Variants in ETFDH observed in about 807,000 individuals in gnomAD.
ETFDH encodes the protein electron transfer flavoprotein-ubiquinone oxidoreductase, mitochondrial.
In ETFDH, 61 loss-of-function variants were observed where a neutral mutation model predicts 73.2. That is an observed-to-expected ratio of 0.83 (90% CI 0.68 to 1.03). ETFDH has a LOEUF of 1.03. Ranked by LOEUF, ETFDH falls within the 50% of genes least tolerant of loss-of-function variation. The pLI, the probability that ETFDH is intolerant of heterozygous loss-of-function variation, is 0.00. For missense variants in ETFDH, 685 were observed against 745.0 expected (o/e 0.92, Z 0.94); for synonymous variants, 243 against 253.3 (o/e 0.96, Z 0.39).
intron 7 of ETFDH, among the ~76,000 whole-genome samples, chr4:158,696,940 A>G (rs1774322625): frequency 6.6e-6 from 1 of 152,198 alleles, no homozygotes; most frequent in South Asian, 2.1e-4. Context: ...CTAATTTCCT[A>G]TAATTGTATA....
At chr4:158,676,455 CT>C (rs1357105691) in intron 1 of ETFDH, among the ~76,000 whole-genome samples, 12 of 152,198 alleles carry the variant, frequency 7.9e-5, no homozygotes, top group African/African-American at 2.9e-4. Flanking sequence ...CTGCATGACT[CT>C]TAAACCATAA....
chr4:158,699,114 A>AT lies in ETFDH; in HGVS notation c.1101dup (p.Glu368Ter). The AT allele has an allele frequency of 6.2e-7, 1 of 1,614,036 alleles. No homozygotes were observed. The highest frequency in any genetic ancestry group is 8.5e-7 in the Non-Finnish European group (1 of 1,179,894). ...ATTGCATACGGAGCCAGAGCTCTCA[A>AT]TGAAGGTGGCTTTCAGGTAACTCTT... On this transcript the variant is annotated frameshift_variant, in exon 9 of 13. Transcript: ENST00000511912. LOFTEE classifies it high-confidence loss of function.
Position 158,684,741 on chromosome 4 carries a change from C to T in ETFDH, c.487+68C>T, listed in dbSNP as rs375292916. Reference sequence around the variant, plus strand: ...CTGGAAGGAACTACATTTCATCTGACGAAATTTCCTCCTTTTACAGACAAG... The same window carrying T: ...CTGGAAGGAACTACATTTCATCTGATGAAATTTCCTCCTTTTACAGACAAG... On this transcript the variant is annotated intron_variant, in intron 4 of 12. Coordinates refer to ENST00000511912, the MANE Select transcript of ETFDH (RefSeq NM_004453.4). 392 of 921,020 alleles carry T rather than the reference C, an allele frequency of 4.3e-4. 4 individuals carry two copies. In the South Asian group the frequency reaches 4.7e-3, roughly 11 times the overall value. The allele number at this position is 921,020 out of a possible 1,614,324, so 57.1% of individuals were successfully genotyped here. A position where few individuals can be genotyped will look rare whatever the true frequency, so the allele number is the denominator to read the frequency against.
chr4:158,683,731 C>T (rs1773925526), intron 3 of ETFDH, among the ~76,000 whole-genome samples: 1 of 152,014 alleles, frequency 6.6e-6, no homozygotes. Flanking sequence ...AGGCGTGCAC[C>T]ACCACACCCA....
At chr4:158,683,668 C>G (rs1300522363) in intron 3 of ETFDH, among the ~76,000 whole-genome samples, 104 of 152,232 alleles carry the variant, frequency 6.8e-4, no homozygotes, top group Non-Finnish European at 4.4e-5. Flanking sequence ...CAGCCTCAAC[C>G]TCCGGGGCTC....
Position 158,695,598 on chromosome 4 carries a change from G to A in ETFDH, c.786G>A (p.Leu262=), listed in dbSNP as rs1450977775. The A allele has an allele frequency of 1.9e-6, 3 of 1,612,010 alleles. No individual in the cohort carries two copies. Among genetic ancestry groups the A allele is most frequent in the South Asian group, 1.1e-5 (1 of 91,038 alleles). ...LAKQLYKKFD[L]RANCEPQTYG... ...AGCAACTATATAAGAAGTTTGATTT[G>A]AGAGCAAATTGTGAACCTCAAACCT... Residue 262 remains leucine (L), a synonymous_variant, in exon 7 of 13, where the codon TTG becomes TTA. Transcript: ENST00000511912.
intron 12 of ETFDH, among the ~76,000 whole-genome samples, chr4:158,707,646 CTAAGT>C (rs1172491492): frequency 2.0e-5 from 3 of 152,176 alleles, no homozygotes; most frequent in African/African-American, 4.8e-5. Flanking sequence ...TGGTAGCCAT[CTAAGT>C]TATCAGATTT....
intron 10 of ETFDH, among the ~76,000 whole-genome samples, chr4:158,704,780 A>G (rs1335831722): frequency 1.3e-5 from 2 of 152,184 alleles, no homozygotes; most frequent in Non-Finnish European, 2.9e-5. Context: ...AGTTAGAGGT[A>G]TGTAACCAGG....
intron 5 of ETFDH, among the ~76,000 whole-genome samples, chr4:158,686,115 G>A (rs2150306996): frequency 1.3e-5 from 2 of 152,246 alleles, no homozygotes; most frequent in South Asian, 2.1e-4. Flanking sequence ...CGCATCCAGT[G>A]CTTTAGAAGA....
In ETFDH at chr4:158,680,452, G is replaced by T. The variant is rs529832630; in HGVS notation, c.35-15G>T. On this transcript the variant is annotated splice_polypyrimidine_tract_variant and intron_variant, in intron 1 of 12. Transcript: ENST00000511912. ...AATTTTAAGGAAGATAATAATTTTC[G>T]TAATTTTTGTGCAGCATATCAGTGC... 6.3e-7 allele frequency: 1 copy of T among 1,590,676 alleles called. No individual in the cohort carries two copies. Among genetic ancestry groups the T allele is most frequent in the Non-Finnish European group, 8.6e-7 (1 of 1,159,466 alleles).
intron 5 of ETFDH, among the ~76,000 whole-genome samples, chr4:158,686,525 C>T (rs892929988): frequency 1.3e-5 from 2 of 152,180 alleles, no homozygotes; most frequent in Non-Finnish European, 2.9e-5. Context: ...TTCACATTCT[C>T]TTTGGCCTTT....
At chr4:158,686,894 G>C (rs1420072479) in intron 5 of ETFDH, among the ~76,000 whole-genome samples, 1 of 152,144 alleles carries the variant, frequency 6.6e-6, no homozygotes, top group African/African-American at 2.4e-5. Flanking sequence ...GTTAGCAGGA[G>C]AAAAGGCATA....
chr4:158,673,373 A>G (rs1389519882), intron 1 of ETFDH, among the ~76,000 whole-genome samples: 1 of 152,152 alleles, frequency 6.6e-6, no homozygotes, highest in Non-Finnish European at 1.5e-5. Context: ...CCATCGTGAC[A>G]GATGAAGTTG....
intron 3 of ETFDH, among the ~76,000 whole-genome samples, 153 bp downstream of exon 3, chr4:158,682,577 A>G (rs1773892425): frequency 6.7e-6 from 1 of 149,806 alleles, no homozygotes. Context: ...CTTGTTGCCC[A>G]GGCTGGAGTG....
chr4:158,679,483 G>A lies in ETFDH; in HGVS notation c.35-984G>A, dbSNP rs1305105612. 3 of 152,150 alleles carry A rather than the reference G, an allele frequency of 2.0e-5. No individual in the cohort carries two copies. In the East Asian group the frequency reaches 5.8e-4, roughly 29 times the overall value. 9.4% of individuals were successfully genotyped at this position (152,150 alleles called of 1,614,324 possible). ...ATTGAGTACAATCAACGGGAGAAAA[G>A]ACATCTCTTCTGCTATAAACTGAGA... On this transcript the variant is annotated intron_variant, in intron 1 of 12. Coordinates refer to ENST00000511912, the MANE Select transcript of ETFDH (RefSeq NM_004453.4).
chr4:158,705,809 G>A (rs766404023), intron 10 of ETFDH, among the ~76,000 whole-genome samples: 4 of 152,188 alleles, frequency 2.6e-5, no homozygotes, highest in East Asian at 1.9e-4. Flanking sequence ...AGCCAGGTGC[G>A]GTGGCTCATG....
chr4:158,675,353 G>GT (rs1773684739), intron 1 of ETFDH, among the ~76,000 whole-genome samples: 2 of 152,114 alleles, frequency 1.3e-5, no homozygotes, highest in Admixed American at 1.3e-4. Context: ...GTTCTATGTG[G>GT]TAGCATATAT....
At chr4:158,693,081 C>G (rs1211302028) in intron 6 of ETFDH, among the ~76,000 whole-genome samples, 1 of 151,992 alleles carries the variant, frequency 6.6e-6, no homozygotes. Context: ...ATCAAAGATT[C>G]TGTTTAAGGT....
chr4:158,680,670 A>C, intron 2 of ETFDH, 63 bp downstream of exon 2: 1 of 1,339,470 alleles, frequency 7.5e-7, no homozygotes, highest in South Asian at 1.2e-5. Flanking sequence ...CATTTTGTGG[A>C]GGAGAGTATT....
Sources: allele counts gnomAD v4.1 joint callset (sites outside exome capture counted in the v4.1 genomes callset), GRCh38; gene constraint gnomAD v4.1.1; transcripts MANE v1.5; gene names NCBI Gene and HGNC (gene_info 2026-07-23, HGNC 2026-07-21).